The following STK32B variants were observed in gnomAD, a reference collection of about 807,000 sequenced individuals.
STK32B encodes the protein serine/threonine kinase 32B, also known as serine/threonine-protein kinase 32B.
A neutral mutation model predicts 52.6 loss-of-function variants in STK32B; 43 were observed. That is an observed-to-expected ratio of 0.82 (90% confidence interval 0.64 to 1.05). The LOEUF is 1.05. STK32B is among the 50% of genes least tolerant of loss of function. The probability of loss-of-function intolerance (pLI) is 0.00; values close to 1 mark genes in which losing one functional copy is unlikely to be tolerated. For synonymous variants in STK32B, 238 were observed against 204.3 expected, an observed-to-expected ratio of 1.17 and a Z score of -1.41; for missense variants, 621 against 534.6, an observed-to-expected ratio of 1.16 and a Z score of -1.59.
intron 3 of STK32B, among the ~76,000 whole-genome samples, chr4:5,195,875 A>T (rs1721608495): frequency 6.6e-6 from 1 of 152,200 alleles, no homozygotes; most frequent in African/African-American, 2.4e-5. Flanking sequence ...CTTGAACTGG[A>T]TTCTTAAAAG....
At chr4:5,483,778 G>C (rs1199646460) in intron 11 of STK32B, among the ~76,000 whole-genome samples, 1 of 151,916 alleles carries the variant, frequency 6.6e-6, no homozygotes, top group Non-Finnish European at 1.5e-5. Flanking sequence ...AGAGATTCTG[G>C]TATGTTGTGT....
chr4:5,271,391 C>G (rs1473605009), intron 3 of STK32B, among the ~76,000 whole-genome samples: 5 of 152,144 alleles, frequency 3.3e-5, no homozygotes, highest in Non-Finnish European at 7.3e-5. Flanking sequence ...ATTGATGAGT[C>G]TTAAGACTCA....
chr4:5,043,739 G>T, the STK32B span, among the ~76,000 whole-genome samples: 1 of 152,240 alleles, frequency 6.6e-6, no homozygotes, highest in Non-Finnish European at 1.5e-5. Context: ...GAAGCAGTCG[G>T]TGCACACGGC....
chr4:5,344,861 A>T (rs1226764088), intron 4 of STK32B, among the ~76,000 whole-genome samples: 5 of 152,012 alleles, frequency 3.3e-5, no homozygotes, highest in African/African-American at 1.2e-4. Context: ...CCAAGGTGGG[A>T]GGATCACTCA....
intron 4 of STK32B, among the ~76,000 whole-genome samples, chr4:5,354,613 C>T (rs1259806475): frequency 6.6e-6 from 1 of 152,138 alleles, no homozygotes; most frequent in Non-Finnish European, 1.5e-5. Flanking sequence ...AAGGGTGACT[C>T]GTTAGCAACA....
At chr4:5,221,146 C>T (rs778732552) in intron 3 of STK32B, among the ~76,000 whole-genome samples, 4 of 152,126 alleles carry the variant, frequency 2.6e-5, no homozygotes, top group Non-Finnish European at 4.4e-5. Flanking sequence ...TTGCTTCCTC[C>T]CTCCCCTAGA....
intron 4 of STK32B, among the ~76,000 whole-genome samples, chr4:5,368,199 A>G (rs72488929): frequency 0.01 from 1,581 of 152,376 alleles, 25 homozygotes; most frequent in East Asian, 0.074. Context: ...AGTAATCACA[A>G]TGGCAAACTC....
At chr4:5,171,036 T>G (rs1719328270) in intron 3 of STK32B, among the ~76,000 whole-genome samples, 2 of 152,230 alleles carry the variant, frequency 1.3e-5, no homozygotes, top group South Asian at 4.1e-4. Flanking sequence ...GTGGTTTTGA[T>G]TTGTATTTCT....
rs781571245 is a variant in STK32B at position 5,140,269 on chromosome 4, G to C, written c.108+309G>C. The C allele has an allele frequency of 9.4e-6, 13 of 1,389,126 alleles. No individual in the cohort carries two copies. The South Asian group carries it at 1.5e-4, about 16-fold the overall frequency. 86.1% of individuals were successfully genotyped at this position (1,389,126 alleles called of 1,614,324 possible). On this transcript the variant is annotated intron_variant, in intron 2 of 11. Transcript: ENST00000282908. ...AAAAAAAACCCATAAACATCACAAAGGCAGCTCTTTCCAGCAACATAGACG... is the reference window on the plus strand; with the variant it reads ...AAAAAAAACCCATAAACATCACAAACGCAGCTCTTTCCAGCAACATAGACG...
At chr4:5,433,501 G>A (rs898434576) in intron 6 of STK32B, among the ~76,000 whole-genome samples, 2 of 152,314 alleles carry the variant, frequency 1.3e-5, no homozygotes, top group East Asian at 3.9e-4. Context: ...TCAGTGGGTA[G>A]GAGACTTGGG....
intron 6 of STK32B, among the ~76,000 whole-genome samples, chr4:5,444,467 C>CGG (rs1715182875): frequency 6.6e-6 from 1 of 152,176 alleles, no homozygotes; most frequent in African/African-American, 2.4e-5. Flanking sequence ...GGCTCGCGCA[C>CGG]TGTGCGCACA....
intron 2 of STK32B, among the ~76,000 whole-genome samples, chr4:5,161,811 C>T (rs1206745373): frequency 1.3e-5 from 2 of 152,168 alleles, no homozygotes; most frequent in Non-Finnish European, 2.9e-5. Context: ...CTTTAGTAAC[C>T]ATATTTAATT....
chr4:5,240,022 C>CT (rs1560249878), intron 3 of STK32B, among the ~76,000 whole-genome samples: 2 of 151,340 alleles, frequency 1.3e-5, no homozygotes, highest in African/African-American at 4.9e-5. Flanking sequence ...CTCTCTCTCC[C>CT]TTTTTTTCTC....
At chr4:5,483,685 A>G (rs1413219575) in intron 11 of STK32B, among the ~76,000 whole-genome samples, 26 of 151,596 alleles carry the variant, frequency 1.7e-4, no homozygotes, top group African/African-American at 5.4e-4. Context: ...ATGTTAGGGT[A>G]TCAATTTTAG....
chr4:5,407,571 G>C (rs1560387483), intron 5 of STK32B, among the ~76,000 whole-genome samples: 1 of 152,082 alleles, frequency 6.6e-6, no homozygotes, highest in Non-Finnish European at 1.5e-5. Context: ...AGTCATGGTT[G>C]GTGAGGCCTC....
intron 3 of STK32B, among the ~76,000 whole-genome samples, chr4:5,322,979 C>T (rs1465037306): frequency 6.6e-6 from 1 of 152,146 alleles, no homozygotes; most frequent in Non-Finnish European, 1.5e-5. Context: ...ACCTAGTGAC[C>T]TTGGACCAGT....
chr4:5,068,577 A>G (rs1357244123), intron 1 of STK32B, among the ~76,000 whole-genome samples: 1 of 152,072 alleles, frequency 6.6e-6, no homozygotes, highest in Non-Finnish European at 1.5e-5. Context: ...TTCTTTCTGT[A>G]TAACTGAAAA....
At chr4:5,390,569 G>A (rs1736531803) in intron 4 of STK32B, among the ~76,000 whole-genome samples, 1 of 152,124 alleles carries the variant, frequency 6.6e-6, no homozygotes, top group Non-Finnish European at 1.5e-5. Context: ...TGGTCCCTCT[G>A]TCTCTGTCTT....
intron 3 of STK32B, among the ~76,000 whole-genome samples, chr4:5,312,889 T>C (rs1730401517): frequency 1.3e-5 from 2 of 152,096 alleles, no homozygotes; most frequent in Non-Finnish European, 1.5e-5. Context: ...ATGGTTGAAC[T>C]AGTTTACAGT....
Sources: gnomAD v4.1 joint callset for allele counts (sites outside exome capture counted in the v4.1 genomes callset) on GRCh38, gnomAD v4.1.1 for gene constraint, MANE v1.5 for transcripts, NCBI Gene and HGNC (gene_info 2026-07-23, HGNC 2026-07-21) for gene names.